The following ZNF354A variants were observed in gnomAD, a reference collection of about 807,000 sequenced individuals.
ZNF354A encodes zinc finger protein 354A.
A neutral mutation model predicts 53.3 loss-of-function variants in ZNF354A; 25 were observed. The ratio of observed to expected loss-of-function variants is 0.47; its 90% CI spans 0.34 to 0.66. The LOEUF is 0.66. Ranked by LOEUF, ZNF354A falls within the 30% of genes least tolerant of loss-of-function variation. The pLI is 0.01. For synonymous variants in ZNF354A, 228 were observed against 249.0 expected (o/e 0.92, Z 0.79); for missense variants, 586 against 716.8 (o/e 0.82, Z 2.08).
rs746645605 is a variant in ZNF354A at position 178,712,805 on chromosome 5, T to C, written c.1073A>G (p.Glu358Gly). 8 of 1,614,116 alleles carry C rather than the reference T, an allele frequency of 5.0e-6. No individual in the cohort carries two copies. The African/African-American group carries it at 6.7e-5, about 13-fold the overall frequency. The change falls in exon 5 of 5, where the codon GAA becomes GGA. Residue 358 changes from glutamate (E) to glycine (G), a missense_variant. By Grantham distance (98) the Glu-to-Gly change is moderately conservative. Around this residue, in one of 2 missense-constraint regions of ZNF354A, gnomAD observed 573 missense variants for 680.1 expected, o/e 0.84. Coordinates refer to ENST00000335815, the MANE Select transcript of ZNF354A (RefSeq NM_005649.3). The stretch of plus-strand genomic sequence containing the variant: ...GCTAGACTTAAAGGTGTTGCCACAT[T>C]CATTACATAAGTAGGACTTCTTTCT... ...HSRKKSYLCN[E>G]CGNTFKSSSS...
At chr5:178,730,144 C>T (rs556031409) in intron 1 of ZNF354A, among the ~76,000 whole-genome samples, 2 of 152,174 alleles carry the variant, frequency 1.3e-5, no homozygotes. Flanking sequence ...GGATTACAGG[C>T]GTGAGCCACC....
chr5:178,726,858 G>A (rs867649790), intron 3 of ZNF354A, 141 bp downstream of exon 3: 2 of 1,295,054 alleles, frequency 1.5e-6, no homozygotes, highest in Admixed American at 5.2e-5. Context: ...GGTTTTTAAT[G>A]TTTATTTATA....
At position 178,726,301 on chromosome 5, in the gene ZNF354A, G is replaced by A. The variant is rs1466183075; in HGVS notation, c.160+698C>T. 1.4e-5 allele frequency: 6 copies of A among 417,458 alleles called. No individual in the cohort carries two copies. In the Admixed American group the frequency reaches 1.6e-4, roughly 11 times the overall value. The allele number at this position is 417,458 out of a possible 1,614,324, so 25.9% of individuals were successfully genotyped here. Reference sequence around the variant, plus strand: ...CATTACGCAGCCCACAAAGCCTAAAGTCTTTACTACGTGGCTTTTTTTTTT... The same window carrying A: ...CATTACGCAGCCCACAAAGCCTAAAATCTTTACTACGTGGCTTTTTTTTTT... On this transcript the variant is annotated intron_variant, in intron 3 of 4. Transcript: ENST00000335815.
chr5:178,730,403 G>T (rs112338073), intron 1 of ZNF354A, among the ~76,000 whole-genome samples, 153 bp downstream of exon 1: 85 of 88,886 alleles, frequency 9.6e-4, no homozygotes, highest in Admixed American at 2.6e-3. Flanking sequence ...GCGCCCCGCG[G>T]GGGGGCGAGA....
rs1416418537 is a variant in ZNF354A, at chr5:178,730,551, C to A, written c.-52+5G>T. ...CTACCGGCTTGGCCTGCCGCCGACG[C>A]TCACCTCCCTAAGCTCGAGCGTCCC... On this transcript the variant is annotated splice_donor_5th_base_variant and intron_variant, in intron 1 of 4. Transcript: ENST00000335815. 1 of 151,988 alleles carries A rather than the reference C, an allele frequency of 6.6e-6. No homozygotes were observed. Among genetic ancestry groups the A allele is most frequent in the African/African-American group, 2.4e-5 (1 of 41,416 alleles). 9.4% of individuals were successfully genotyped at this position (151,988 alleles called of 1,614,324 possible). A position where few individuals can be genotyped will look rare whatever the true frequency, so the allele number is the denominator to read the frequency against.
chr5:178,722,814 A>G lies in ZNF354A; in HGVS notation c.256+2562T>C, dbSNP rs1009142995. Among the ~76,000 whole-genome samples, 6 of 152,352 alleles carry G rather than the reference A, an allele frequency of 3.9e-5. No individual in the cohort carries two copies. The South Asian group carries it at 1.0e-3, about 26-fold the overall frequency. On this transcript the variant is annotated intron_variant, in intron 4 of 4. Transcript: ENST00000335815. ...GATCTATTACACAGCGCTAAGCACG[A>G]GGAGGGAAAATAAAGCACGGTGAGG...
intron 4 of ZNF354A, among the ~76,000 whole-genome samples, chr5:178,716,045 C>T (rs778227827): frequency 6.6e-5 from 10 of 151,648 alleles, no homozygotes; most frequent in Admixed American, 2.6e-4. Flanking sequence ...TACAGGTGTG[C>T]GCCACCACAC....
intron 4 of ZNF354A, among the ~76,000 whole-genome samples, chr5:178,725,144 G>C (rs1283308354): frequency 4.6e-5 from 7 of 152,196 alleles, no homozygotes; most frequent in Non-Finnish European, 8.8e-5. Context: ...TATGTTTGCT[G>C]AATGAATACA....
chr5:178,721,463 T>C (rs1438327336), intron 4 of ZNF354A, among the ~76,000 whole-genome samples: 1 of 152,210 alleles, frequency 6.6e-6, no homozygotes, highest in Non-Finnish European at 1.5e-5. Flanking sequence ...GACTGAAACA[T>C]TATGTGCTCC....
At chr5:178,724,705 G>A (rs1206935782) in intron 4 of ZNF354A, among the ~76,000 whole-genome samples, 1 of 152,142 alleles carries the variant, frequency 6.6e-6, no homozygotes, top group Admixed American at 6.5e-5. Context: ...ATCAGCTAAG[G>A]TGTGTCCTCC....
intron 4 of ZNF354A, among the ~76,000 whole-genome samples, chr5:178,719,325 A>G (rs1765766026): frequency 6.6e-6 from 1 of 152,244 alleles, no homozygotes. Flanking sequence ...ATCAGTAGGT[A>G]ATCACAATAC....
chr5:178,718,086 G>C (rs1237294918), intron 4 of ZNF354A, among the ~76,000 whole-genome samples: 2 of 152,256 alleles, frequency 1.3e-5, no homozygotes, highest in East Asian at 3.9e-4. Context: ...TTACGACTCG[G>C]AAGTCCATTA....
At chr5:178,716,497 C>T (rs956272346) in intron 4 of ZNF354A, among the ~76,000 whole-genome samples, 2 of 152,164 alleles carry the variant, frequency 1.3e-5, no homozygotes, top group Admixed American at 1.3e-4. Context: ...TAAGTGCCTA[C>T]TATGGGCCAG....
Position 178,712,442 on chromosome 5 carries a change from G to A in ZNF354A, c.1436C>T (p.Ser479Leu). ...KVCGKAFRQS[S>L]ALIQHQRMHT... is the part of the protein sequence containing the mutation. ...CATTCTCTGATGTTGAATGAGAGCT[G>A]AACTCTGTCTGAAGGCTTTTCCACA... The change falls in exon 5 of 5, where the codon TCA becomes TTA. Residue 479 changes from serine (S) to leucine (L), a missense_variant. Physicochemically the swap from Ser to Leu is moderately radical, Grantham distance 145. Transcript: ENST00000335815. 1.2e-6 allele frequency: 2 copies of A among 1,613,952 alleles called. No individual in the cohort carries two copies. The highest frequency in any genetic ancestry group is 1.7e-6 in the Non-Finnish European group (2 of 1,179,876).
rs1765619519 is a variant in ZNF354A, at chr5:178,711,644, A to T, written c.*416T>A. The T allele has an allele frequency of 6.4e-6, 1 of 156,026 alleles. No individual in the cohort carries two copies. The highest frequency in any genetic ancestry group is 6.4e-5 in the Admixed American group (1 of 15,654). 9.7% of individuals were successfully genotyped at this position (156,026 alleles called of 1,614,324 possible). On this transcript the variant is annotated 3_prime_UTR_variant, in exon 5 of 5. Coordinates refer to ENST00000335815, the MANE Select transcript of ZNF354A (RefSeq NM_005649.3). ...TTTTGGTCCTTTTCTCTAAAAAGGT[A>T]CAATTTGATCAAGCTATTAAAATGC...
chr5:178,728,781 T>A (rs1427345122), intron 2 of ZNF354A, among the ~76,000 whole-genome samples: 6 of 19,784 alleles, frequency 3.0e-4, no homozygotes, highest in Admixed American at 5.2e-4. Context: ...AAAGCGAGAT[T>A]CAAAAAAAAA....
chr5:178,728,653 C>T (rs1237492298), intron 2 of ZNF354A, among the ~76,000 whole-genome samples: 2 of 151,252 alleles, frequency 1.3e-5, no homozygotes, highest in African/African-American at 4.9e-5. Flanking sequence ...AAAACTTAGC[C>T]GGGCGTGATG....
chr5:178,719,859 A>G (rs1169414490), intron 4 of ZNF354A, among the ~76,000 whole-genome samples: 1 of 151,916 alleles, frequency 6.6e-6, no homozygotes, highest in Non-Finnish European at 1.5e-5. Flanking sequence ...AGGCAGGAGA[A>G]TGGCGTGAAC....
rs1170756361 is a variant in ZNF354A, at chr5:178,726,999, C to T, written c.160G>A (p.Gly54Arg). 1.2e-6 allele frequency: 2 copies of T among 1,601,868 alleles called. No individual in the cohort carries two copies. The highest frequency in any genetic ancestry group is 8.5e-7 in the Non-Finnish European group (1 of 1,175,680). ...GTTTCTAGAGGGAAAATTTCCTTAC[C>T]CAGTGAGACCAGGTTCCTATAGTTC... ...LENYRNLVSL[G>R]LPFTKPKVIS... Residue 54 changes from glycine to arginine, a missense_variant and splice_region_variant, in exon 3 of 5, where the codon GGG becomes AGG. Physicochemically the swap from Gly to Arg is moderately radical, Grantham distance 125. Around this residue, in one of 2 missense-constraint regions of ZNF354A, gnomAD observed 573 missense variants for 680.1 expected, o/e 0.84. Transcript: ENST00000335815.
Sources: gnomAD v4.1 joint callset for allele counts (sites outside exome capture counted in the v4.1 genomes callset) on GRCh38, gnomAD v4.1.1 for gene constraint, gnomAD v4.1.1 regional missense constraint, MANE v1.5 for transcripts, NCBI Gene and HGNC (gene_info 2026-07-23, HGNC 2026-07-21) for gene names.